NCSTN: variants seen among roughly 807,000 people sequenced by gnomAD.
The protein encoded by NCSTN is anterior pharynx-defective 2.
Under a neutral mutation model 87.0 loss-of-function variants are expected in NCSTN, and 22 were observed. The observed-to-expected ratio is 0.25, with a 90% CI of 0.18 to 0.36. The LOEUF is 0.36. Among genes scored for constraint, NCSTN ranks in the 10% least tolerant of loss-of-function variants. NCSTN has a pLI of 1.00. For synonymous variants in NCSTN, 306 were observed against 327.1 expected (o/e 0.94, Z 0.69); for missense variants, 693 against 883.3 (o/e 0.78, Z 2.73).
chr1:160,348,242 C>T (rs1419205828), intron 2 of NCSTN, among the ~76,000 whole-genome samples: 1 of 152,224 alleles, frequency 6.6e-6, no homozygotes, highest in Non-Finnish European at 1.5e-5. Flanking sequence ...GGTCATCCAT[C>T]CTCTAATACA....
chr1:160,355,744 C>T lies in NCSTN; in HGVS notation c.1442C>T (p.Thr481Ile). 6.2e-7 allele frequency: 1 copy of T among 1,613,730 alleles called. No individual in the cohort carries two copies. Among genetic ancestry groups the T allele is most frequent in the South Asian group, 1.1e-5 (1 of 91,076 alleles). ...CCTGAAGAGGACCTGAACTTTGTAA[C>T]AGACACTGCCAAGGTAGCACTGAGC... is the stretch of plus-strand genomic sequence containing the variant. ...LSPEEDLNFV[T>I]DTAKALADVA... is the part of the protein sequence containing the mutation. The change falls in exon 12 of 17, where the codon ACA becomes ATA. Residue 481 changes from threonine to isoleucine, a missense_variant. Around this residue, in one of 4 missense-constraint regions of NCSTN, gnomAD observed 216 missense variants for 311.7 expected, o/e 0.69. Transcript: ENST00000294785.
chr1:160,356,137 C>A, intron 13 of NCSTN, 123 bp from the exon 14 acceptor site: 1 of 1,043,738 alleles, frequency 9.6e-7, no homozygotes, highest in Non-Finnish European at 1.5e-6. Context: ...CAGCTACTGT[C>A]TCCCAACTCC....
chr1:160,350,325 G>A (rs1648766343), intron 5 of NCSTN, 75 bp downstream of exon 5: 3 of 1,566,892 alleles, frequency 1.9e-6, no homozygotes, highest in South Asian at 2.2e-5. Flanking sequence ...GGTGGTGTGT[G>A]CACGTAGTCC....
chr1:160,356,989 G>A (rs1299463396), intron 15 of NCSTN, 52 bp from the exon 16 acceptor site: 20 of 1,523,594 alleles, frequency 1.3e-5, no homozygotes, highest in East Asian at 4.5e-5. Context: ...TAGAGGGAAC[G>A]AGTGAGAAGA....
rs115808642 is a variant in NCSTN, at chr1:160,356,670, C to G, written c.1710C>G (p.Ala570=). 1.2e-6 allele frequency: 2 copies of G among 1,614,208 alleles called. No homozygotes were observed. The highest frequency in any genetic ancestry group is 4.5e-5 in the East Asian group (2 of 44,870). ...ACACCACTTATGTTGTACAGTATGC[C>G]TTGGCAAATTTGACTGGCACAGTGG... ...PTNTTYVVQY[A]LANLTGTVVN... The change falls in exon 15 of 17, where the codon GCC becomes GCG. Residue 570 remains alanine, a synonymous_variant. Coordinates refer to ENST00000294785, the MANE Select transcript of NCSTN (RefSeq NM_015331.3).
intron 11 of NCSTN, 75 bp downstream of exon 11, chr1:160,354,365 G>A (rs946103175): frequency 6.6e-6 from 10 of 1,513,938 alleles, no homozygotes; most frequent in Non-Finnish European, 8.2e-6. Context: ...GAAGGTCACT[G>A]CCCTCCGCTT....
rs565831926 is a variant in NCSTN at position 160,356,784 on chromosome 1, TG to T, written c.1794+34del. The T allele has an allele frequency of 2.9e-3, 4,711 of 1,613,680 alleles. 13 individuals are homozygous for T. Among genetic ancestry groups the T allele is most frequent in the Middle Eastern group, 3.7e-3 (22 of 5,898 alleles). ...GTGGTGGTGGGTGTTGGAAGTGCCC[TG>T]GGGCCCCTTTCCCTTGGGAAAGTTG... is the stretch of plus-strand genomic sequence containing the variant. On this transcript the variant is annotated intron_variant, in intron 15 of 16. Coordinates refer to ENST00000294785, the MANE Select transcript of NCSTN (RefSeq NM_015331.3).
At position 160,356,897 on chromosome 1, in the gene NCSTN, C is replaced by T. The variant is rs1216940895; in HGVS notation, c.1794+143C>T. ...CCTCAGCAATTGGGTGTTGAAAAGC[C>T]TGGGTGAAAATGGACCATCTGAAGG... On this transcript the variant is annotated intron_variant, in intron 15 of 16. Coordinates refer to ENST00000294785, the MANE Select transcript of NCSTN (RefSeq NM_015331.3). 3 of 1,400,046 alleles carry T rather than the reference C, an allele frequency of 2.1e-6. No homozygotes were observed. The Admixed American group carries it at 5.5e-5, about 26-fold the overall frequency. 86.7% of individuals were successfully genotyped at this position (1,400,046 alleles called of 1,614,324 possible). A position where few individuals can be genotyped will look rare whatever the true frequency, so the allele number is the denominator to read the frequency against.
chr1:160,356,689 A>G lies in NCSTN; in HGVS notation c.1729A>G (p.Thr577Ala). 1 of 1,614,246 alleles carries G rather than the reference A, an allele frequency of 6.2e-7. No individual in the cohort carries two copies. The highest frequency in any genetic ancestry group is 8.5e-7 in the Non-Finnish European group (1 of 1,180,050). The change falls in exon 15 of 17, where the codon ACA (threonine) becomes GCA (alanine). Residue 577 changes from threonine (T) to alanine (A), a missense_variant. Transcript: ENST00000294785. ...GTATGCCTTGGCAAATTTGACTGGC[A>G]CAGTGGTCAACCTCACCCGAGAGCA... The part of the protein sequence containing the change: ...VQYALANLTG[T>A]VVNLTREQCQ...
chr1:160,345,027 A>G lies in NCSTN; in HGVS notation c.190+201A>G. On this transcript the variant is annotated intron_variant, in intron 2 of 16. Coordinates refer to ENST00000294785, the MANE Select transcript of NCSTN (RefSeq NM_015331.3). ...AAATGCTGCATACCAAGCTTTTTAC[A>G]TGTGCATCTCATACAACCCCAACCA... The G allele has an allele frequency of 9.4e-6, 6 of 638,190 alleles. No homozygotes were observed. In the South Asian group the frequency reaches 1.1e-4, roughly 11 times the overall value. The allele number at this position is 638,190 out of a possible 1,614,324, so 39.5% of individuals were successfully genotyped here. A position where few individuals can be genotyped will look rare whatever the true frequency, so the allele number is the denominator to read the frequency against.
Position 160,358,435 on chromosome 1 carries a change from T to C in NCSTN, c.*164T>C. On this transcript the variant is annotated 3_prime_UTR_variant, in exon 17 of 17. Coordinates refer to ENST00000294785, the MANE Select transcript of NCSTN (RefSeq NM_015331.3). ...TCCAAAAGAGACAGGGAGAAATAAA[T>C]AAATTGCCTCCCTTCCTCCGCTCCC... is the stretch of plus-strand genomic sequence containing the variant. The C allele has an allele frequency of 1.1e-6, 1 of 926,754 alleles. No individual in the cohort carries two copies. Among genetic ancestry groups the C allele is most frequent in the Non-Finnish European group, 1.7e-6 (1 of 593,422 alleles). 57.4% of individuals were successfully genotyped at this position (926,754 alleles called of 1,614,324 possible).
At chr1:160,343,726 T>C (rs886949771) in intron 1 of NCSTN, 11 of 694,990 alleles carry the variant, frequency 1.6e-5, no homozygotes, top group African/African-American at 1.2e-4. Flanking sequence ...ACTTCGAGCC[T>C]GACCCTCTCC....
Position 160,349,575 on chromosome 1 carries a change from G to T in NCSTN, c.341G>T (p.Arg114Ile), listed in dbSNP as rs751929964. The T allele has an allele frequency of 3.7e-6, 6 of 1,614,142 alleles. No homozygotes were observed. The highest frequency in any genetic ancestry group is 8.5e-7 in the Non-Finnish European group (1 of 1,180,010). Residue 114 changes from arginine (R) to isoleucine (I), a missense_variant, in exon 4 of 17, where the codon AGA (arginine) becomes ATA (isoleucine). This residue lies in a region of NCSTN where 235 missense variants were observed against 233.9 expected (regional missense o/e 1.00). Transcript: ENST00000294785. ...TRDLMEKLKG[R>I]TSRIAGLAVS... ...GATTTAATGGAGAAGCTGAAAGGGAGAACCAGCCGAATTGCTGGTCTTGCA... is the reference window on the plus strand; with the variant it reads ...GATTTAATGGAGAAGCTGAAAGGGATAACCAGCCGAATTGCTGGTCTTGCA...
Position 160,343,461 on chromosome 1 carries a change from C to A in NCSTN, c.65C>A (p.Ser22Tyr). The A allele has an allele frequency of 6.2e-7, 1 of 1,610,792 alleles. No individual in the cohort carries two copies. Among genetic ancestry groups the A allele is most frequent in the Non-Finnish European group, 8.5e-7 (1 of 1,178,982 alleles). The part of the protein sequence containing the change: ...PGSRGLLRLL[S>Y]FCVLLAGLCR... ...AGTCGGGGTCTCCTTCGCCTTCTGT[C>A]TTTCTGCGTCCTACTAGCAGGTGAG... Residue 22 changes from serine (S) to tyrosine (Y), a missense_variant, in exon 1 of 17, where the codon TCT (serine) becomes TAT (tyrosine). Ser to Tyr is a moderately radical substitution (Grantham distance 144). This residue lies in a region of NCSTN where 235 missense variants were observed against 233.9 expected (regional missense o/e 1.00). Transcript: ENST00000294785.
rs1238140150 is a variant in NCSTN at position 160,353,162 on chromosome 1, G to A, written c.1104G>A (p.Val368=). The A allele has an allele frequency of 6.2e-7, 1 of 1,614,060 alleles. No homozygotes were observed. The highest frequency in any genetic ancestry group is 1.7e-5 in the Admixed American group (1 of 60,034). The part of the protein sequence containing the change: ...NVDSFVELGQ[V]ALRTSLELWM... ...TTGTTTCTTCATCCTCCCCCCAGGT[G>A]GCCTTAAGAACTTCATTAGAGCTTT... Residue 368 remains valine, a splice_region_variant and synonymous_variant, in exon 10 of 17, where the codon GTG becomes GTA. Transcript: ENST00000294785.
chr1:160,352,917 A>T lies in NCSTN; in HGVS notation c.1027A>T (p.Met343Leu), dbSNP rs760298535. The T allele has an allele frequency of 2.5e-6, 4 of 1,613,996 alleles. No individual in the cohort carries two copies. The African/African-American group carries it at 4.0e-5, about 16-fold the overall frequency. The change falls in exon 9 of 17, where the codon ATG (methionine) becomes TTG (leucine). Residue 343 changes from methionine (M) to leucine (L), a missense_variant. This residue lies in a region of NCSTN where 134 missense variants were observed against 226.0 expected (regional missense o/e 0.59). Transcript: ENST00000294785. ...ETFDYIGSSR[M>L]VYDMEKGKFP... ...TTTTGACTACATTGGCAGCTCGAGG[A>T]TGGTCTACGATATGGAGAAGGGCAA...
In NCSTN at chr1:160,344,704, T is replaced by G. The variant is rs774989440; in HGVS notation, c.86-18T>G. Reference sequence around the variant, plus strand: ...TGTGTCTCTCAAATTTTTCTAACACTTTTTATCTTCCGATCAGGTTTGTGC... The same window carrying G: ...TGTGTCTCTCAAATTTTTCTAACACGTTTTATCTTCCGATCAGGTTTGTGC... On this transcript the variant is annotated intron_variant, in intron 1 of 16. Transcript: ENST00000294785. The G allele has an allele frequency of 1.2e-6, 2 of 1,612,514 alleles. No individual in the cohort carries two copies. The highest frequency in any genetic ancestry group is 2.2e-5 in the South Asian group (2 of 90,936).
intron 1 of NCSTN, 137 bp from the exon 2 acceptor site, chr1:160,344,585 G>T: frequency 6.4e-7 from 1 of 1,552,516 alleles, no homozygotes; most frequent in South Asian, 1.2e-5. Flanking sequence ...CAAGAAATCA[G>T]AAGAATGGAC....
rs202162818 is a variant in NCSTN, at chr1:160,356,374, C to T, written c.1639+27C>T. The T allele has an allele frequency of 6.4e-6, 10 of 1,556,042 alleles. No individual in the cohort carries two copies. In the African/African-American group the frequency reaches 1.2e-4, roughly 19 times the overall value. On this transcript the variant is annotated intron_variant, in intron 14 of 16. Coordinates refer to ENST00000294785, the MANE Select transcript of NCSTN (RefSeq NM_015331.3). ...TAAGCATCTGGTGTGGGAATGGGAC[C>T]CTTAGCTGAGGAAAGGGATAGAGAA...
Sources: allele counts gnomAD v4.1 joint callset (sites outside exome capture counted in the v4.1 genomes callset), GRCh38; gene constraint gnomAD v4.1.1; regional missense constraint gnomAD v4.1.1; transcripts MANE v1.5; gene names NCBI Gene and HGNC (gene_info 2026-07-23, HGNC 2026-07-21).